Variants in CD40 observed in about 807,000 individuals in gnomAD.
The protein encoded by CD40 is tumor necrosis factor receptor superfamily member 5.
Under a neutral mutation model 38.5 loss-of-function variants are expected in CD40, and 19 were observed. The ratio of observed to expected loss-of-function variants is 0.49; its 90% CI spans 0.34 to 0.72. CD40 has a LOEUF of 0.72. Ranked by LOEUF, CD40 falls within the 30% of genes least tolerant of loss-of-function variation. CD40 has a pLI of 0.01. For missense variants in CD40, 256 were observed against 344.1 expected, an observed-to-expected ratio of 0.74 and a Z score of 2.03; for synonymous variants, 130 against 128.7, an observed-to-expected ratio of 1.01 and a Z score of -0.07.
chr20:46,122,711 G>T lies in CD40; in HGVS notation c.358G>T (p.Val120Phe), dbSNP rs762684377. The change falls in exon 4 of 9, where the codon GTC becomes TTC. Residue 120 changes from valine (V) to phenylalanine (F), a missense_variant. Coordinates refer to ENST00000372285, the MANE Select transcript of CD40 (RefSeq NM_001250.6). This position sits in a 1 kb window ranked among gnomAD's most constrained non-coding sequence, Gnocchi z 5.0. ...HCTSEACESC[V>F]LHRSCSPGFG... ...TACGAGTGAGGCCTGTGAGAGCTGT[G>T]TCCTGCACCGCTCATGCTCGCCCGG... 4.3e-6 allele frequency: 7 copies of T among 1,614,178 alleles called. No individual in the cohort carries two copies. Among genetic ancestry groups the T allele is most frequent in the Non-Finnish European group, 3.4e-6 (4 of 1,180,032 alleles).
At position 46,122,890 on chromosome 20, in the gene CD40, C is replaced by T. The variant is rs2085347879; in HGVS notation, c.403+134C>T. 2.6e-6 allele frequency: 3 copies of T among 1,141,504 alleles called. No individual in the cohort carries two copies. Among genetic ancestry groups the T allele is most frequent in the East Asian group, 5.1e-5 (2 of 39,532 alleles). The allele number at this position is 1,141,504 out of a possible 1,614,324, so 70.7% of individuals were successfully genotyped here. Reference sequence around the variant, plus strand: ...GCTCCAACCTATGTCGGTATCCCCACTGGAGTGAGCTGCAGACGGGACCTT... The same window carrying T: ...GCTCCAACCTATGTCGGTATCCCCATTGGAGTGAGCTGCAGACGGGACCTT... On this transcript the variant is annotated intron_variant, in intron 4 of 8. Coordinates refer to ENST00000372285, the MANE Select transcript of CD40 (RefSeq NM_001250.6). The surrounding 1 kb of genome is among the most constrained non-coding windows in gnomAD (Gnocchi z 5.0).
Position 46,126,629 on chromosome 20 carries a change from T to G in CD40, c.498-11T>G. The G allele has an allele frequency of 1.2e-6, 2 of 1,614,040 alleles. No individual in the cohort carries two copies. Among genetic ancestry groups the G allele is most frequent in the East Asian group, 4.5e-5 (2 of 44,880 alleles). On this transcript the variant is annotated splice_polypyrimidine_tract_variant and intron_variant, in intron 5 of 8. Transcript: ENST00000372285. ...CTGTGTGTGTGCATTTGTGCACGTG[T>G]CTGTGCATAGCTGTGAGACCAAAGA...
At chr20:46,121,451 C>T (rs1270988419) in intron 1 of CD40, among the ~76,000 whole-genome samples, 1 of 152,124 alleles carries the variant, frequency 6.6e-6, no homozygotes, top group East Asian at 1.9e-4. Flanking sequence ...AGCACTGGGA[C>T]CAGCTGAAGT....
rs375199406 is a variant in CD40, at chr20:46,125,444, G to A, written c.498-1196G>A. On this transcript the variant is annotated intron_variant, in intron 5 of 8. Transcript: ENST00000372285. Reference sequence around the variant, plus strand: ...CTGTAGTCCCAGCTACTCAGGAGGCGGAGGCAGGAGAATTGCTTGAACCTG... The same window carrying A: ...CTGTAGTCCCAGCTACTCAGGAGGCAGAGGCAGGAGAATTGCTTGAACCTG... 1.1e-4 allele frequency among the ~76,000 whole-genome samples: 16 copies of A among 151,206 alleles called. No individual in the cohort carries two copies. In the East Asian group the frequency reaches 2.0e-3, roughly 19 times the overall value.
Position 46,123,199 on chromosome 20 carries a change from A to G in CD40, c.477A>G (p.Glu159=), listed in dbSNP as rs1460231767. 6.2e-7 allele frequency: 1 copy of G among 1,614,082 alleles called. No homozygotes were observed. Among genetic ancestry groups the G allele is most frequent in the Non-Finnish European group, 8.5e-7 (1 of 1,179,920 alleles). Residue 159 remains glutamate, a synonymous_variant, in exon 5 of 9, where the codon GAA becomes GAG. Transcript: ENST00000372285. ...GFFSNVSSAF[E]KCHPWTSCET... ...TCTCCAATGTGTCATCTGCTTTCGA[A>G]AAATGTCACCCTTGGACAAGGTATA...
At position 46,128,154 on chromosome 20, in the gene CD40, GA is replaced by G; in HGVS notation, c.577del (p.Arg193GlufsTer5). On this transcript the variant is annotated frameshift_variant, in exon 7 of 9. Transcript: ENST00000372285. LOFTEE classifies it high-confidence loss of function. ...DVVCGPQDRL[R>X]ALVVIPIIFG... ...TTTCTCCAGGTCCCCAGGATCGGCT[GA>G]GAGCCCTGGTGGTGATCCCCATCAT... 1 of 1,613,922 alleles carries G rather than the reference GA, an allele frequency of 6.2e-7. No homozygotes were observed. Among genetic ancestry groups the G allele is most frequent in the Non-Finnish European group, 8.5e-7 (1 of 1,179,958 alleles).
At chr20:46,121,265 A>G (rs2085312113) in intron 1 of CD40, among the ~76,000 whole-genome samples, 2 of 152,266 alleles carry the variant, frequency 1.3e-5, no homozygotes, top group Admixed American at 1.3e-4. Context: ...ACTATCTGTA[A>G]AATGAAAGTG....
chr20:46,122,289 G>A lies in CD40; in HGVS notation c.187G>A (p.Gly63Ser), dbSNP rs756898850. The change falls in exon 3 of 9, where the codon GGT (glycine) becomes AGT (serine). Residue 63 changes from glycine to serine, a missense_variant. Gly to Ser is a moderately conservative substitution (Grantham distance 56). Coordinates refer to ENST00000372285, the MANE Select transcript of CD40 (RefSeq NM_001250.6). The surrounding 1 kb of genome is among the most constrained non-coding windows in gnomAD (Gnocchi z 5.0). ...CACTGAAACGGAATGCCTTCCTTGC[G>A]GTGAAAGCGAATTCCTAGACACCTG... Reference protein sequence around the residue: ...EFTETECLPCGESEFLDTWNR... With the variant: ...EFTETECLPCSESEFLDTWNR... 2.2e-5 allele frequency: 36 copies of A among 1,614,032 alleles called. No individual in the cohort carries two copies. The highest frequency in any genetic ancestry group is 8.9e-5 in the East Asian group (4 of 44,896).
chr20:46,129,441 T>C lies in CD40; in HGVS notation c.*401T>C. 1 of 247,422 alleles carries C rather than the reference T, an allele frequency of 4.0e-6. No individual in the cohort carries two copies. Among genetic ancestry groups the C allele is most frequent in the Non-Finnish European group, 8.1e-6 (1 of 122,844 alleles). 15.3% of individuals were successfully genotyped at this position (247,422 alleles called of 1,614,324 possible). A position where few individuals can be genotyped will look rare whatever the true frequency, so the allele number is the denominator to read the frequency against. On this transcript the variant is annotated 3_prime_UTR_variant, in exon 9 of 9. Transcript: ENST00000372285. ...ATGCCCATTGCAGCATTGTTTGTGATAGTGAACAACTGGAAGCTGCTTAAC... is the reference window on the plus strand; with the variant it reads ...ATGCCCATTGCAGCATTGTTTGTGACAGTGAACAACTGGAAGCTGCTTAAC...
chr20:46,128,199 C>T lies in CD40; in HGVS notation c.621C>T (p.Ala207=), dbSNP rs535886332. The T allele has an allele frequency of 4.6e-4, 736 of 1,613,544 alleles. 9 individuals carry two copies. The South Asian group carries it at 7.6e-3, about 17-fold the overall frequency. ...CCATCATCTTCGGGATCCTGTTTGCCATCCTCTTGGTGCTGGTCTTTATCA... is the reference window on the plus strand; with the variant it reads ...CCATCATCTTCGGGATCCTGTTTGCTATCCTCTTGGTGCTGGTCTTTATCA... ...VIPIIFGILF[A]ILLVLVFIKK... is the part of the protein sequence containing the mutation. Residue 207 remains alanine (A), a synonymous_variant, in exon 7 of 9, where the codon GCC becomes GCT. Transcript: ENST00000372285.
Position 46,128,377 on chromosome 20 carries a change from C to A in CD40, c.675+19C>A. 6.2e-7 allele frequency: 1 copy of A among 1,609,388 alleles called. No homozygotes were observed. The highest frequency in any genetic ancestry group is 8.5e-7 in the Non-Finnish European group (1 of 1,178,864). On this transcript the variant is annotated intron_variant, in intron 8 of 8. Coordinates refer to ENST00000372285, the MANE Select transcript of CD40 (RefSeq NM_001250.6). ...CAATAAGGTAGGTCACCCCTGAGAA[C>A]CCGGGACAGAGTTTTGACAAACTGG...
rs969875457 is a variant in CD40 at position 46,127,633 on chromosome 20, GTCTT to G, written c.560-499_560-496del. On this transcript the variant is annotated intron_variant, in intron 6 of 8. Transcript: ENST00000372285. ...ACGCTAGTCTCCGCCCTGCCTTTTG[GTCTT>G]TCTTTTATTTTCCCACTTTGAAAAA... Among the ~76,000 whole-genome samples, 95 of 152,168 alleles carry G rather than the reference GTCTT, an allele frequency of 6.2e-4. 1 individual carries two copies. Among genetic ancestry groups the G allele is most frequent in the Admixed American group, 6.0e-3 (91 of 15,290 alleles).
intron 5 of CD40, among the ~76,000 whole-genome samples, chr20:46,125,867 C>G (rs140872084): frequency 1.3e-5 from 2 of 152,322 alleles, no homozygotes; most frequent in Non-Finnish European, 2.9e-5. Flanking sequence ...TGGCAGTGAT[C>G]TGGTTCTAAA....
rs774170070 is a variant in CD40 at position 46,122,795 on chromosome 20, A to C, written c.403+39A>C. The C allele has an allele frequency of 6.2e-6, 10 of 1,612,704 alleles. No homozygotes were observed. ...CTGGGAATCAGTTTTGGAGGGGGAC[A>C]GAGGAGCTTAGGGCCCAAGGTGAGG... On this transcript the variant is annotated intron_variant, in intron 4 of 8. Coordinates refer to ENST00000372285, the MANE Select transcript of CD40 (RefSeq NM_001250.6). The surrounding 1 kb of genome is among the most constrained non-coding windows in gnomAD (Gnocchi z 5.0).
At position 46,123,143 on chromosome 20, in the gene CD40, A is replaced by G; in HGVS notation, c.421A>G (p.Thr141Ala). 1 of 1,614,030 alleles carries G rather than the reference A, an allele frequency of 6.2e-7. No individual in the cohort carries two copies. The highest frequency in any genetic ancestry group is 8.5e-7 in the Non-Finnish European group (1 of 1,179,882). The change falls in exon 5 of 9, where the codon ACC (threonine) becomes GCC (alanine). Residue 141 changes from threonine (T) to alanine (A), a missense_variant. Physicochemically the swap from Thr to Ala is moderately conservative, Grantham distance 58 (BLOSUM62 0). Transcript: ENST00000372285. Reference protein sequence around the residue: ...VKQIATGVSDTICEPCPVGFF... With the variant: ...VKQIATGVSDAICEPCPVGFF... ...ACTCCCAGCTACAGGGGTTTCTGAT[A>G]CCATCTGCGAGCCCTGCCCAGTCGG...
At chr20:46,128,069 G>A in intron 6 of CD40, 69 bp from the exon 7 acceptor site, 1 of 1,613,624 alleles carries the variant, frequency 6.2e-7, no homozygotes, top group Non-Finnish European at 8.5e-7. Context: ...AGTCTGACAA[G>A]TCACAGCAGG....
At chr20:46,124,046 C>T (rs2085371570) in intron 5 of CD40, among the ~76,000 whole-genome samples, 1 of 152,214 alleles carries the variant, frequency 6.6e-6, no homozygotes, top group African/African-American at 2.4e-5. Context: ...TGCCTGTAAT[C>T]TCAGCACTTT....
Position 46,123,235 on chromosome 20 carries a change from C to G in CD40, c.497+16C>G. ...CTTGGACAAGGTATAAGCACTCATC[C>G]CTTGTGTTTCCTGCTCTAAGAGTGG... is the stretch of plus-strand genomic sequence containing the variant. On this transcript the variant is annotated intron_variant, in intron 5 of 8. Transcript: ENST00000372285. 6.3e-7 allele frequency: 1 copy of G among 1,575,712 alleles called. No individual in the cohort carries two copies. Among genetic ancestry groups the G allele is most frequent in the Non-Finnish European group, 8.7e-7 (1 of 1,144,868 alleles).
rs1480809565 is a variant in CD40, at chr20:46,122,907, C to T, written c.403+151C>T. Reference sequence around the variant, plus strand: ...TATCCCCACTGGAGTGAGCTGCAGACGGGACCTTGTTCATTCTGCCTTCTG... The same window carrying T: ...TATCCCCACTGGAGTGAGCTGCAGATGGGACCTTGTTCATTCTGCCTTCTG... On this transcript the variant is annotated intron_variant, in intron 4 of 8. Transcript: ENST00000372285. The surrounding 1 kb of genome is among the most constrained non-coding windows in gnomAD (Gnocchi z 5.0). The T allele has an allele frequency of 4.6e-5, 48 of 1,045,404 alleles. No individual in the cohort carries two copies. Among genetic ancestry groups the T allele is most frequent in the Non-Finnish European group, 5.9e-5 (42 of 708,920 alleles). 64.8% of individuals were successfully genotyped at this position (1,045,404 alleles called of 1,614,324 possible). A position where few individuals can be genotyped will look rare whatever the true frequency, so the allele number is the denominator to read the frequency against.
Sources: allele counts gnomAD v4.1 joint callset (sites outside exome capture counted in the v4.1 genomes callset), GRCh38; gene constraint gnomAD v4.1.1; non-coding constraint Gnocchi (gnomAD v3.1); transcripts MANE v1.5; gene names NCBI Gene and HGNC (gene_info 2026-07-23, HGNC 2026-07-21).